MCPH1: variants seen among roughly 807,000 people sequenced by gnomAD.
MCPH1 encodes microcephalin 1, also known as microcephalin.
In MCPH1, 104 loss-of-function variants were observed where a neutral mutation model predicts 84.5. That is an observed-to-expected ratio of 1.23 (90% CI 1.05 to 1.45). The LOEUF is 1.45. Ranked by LOEUF, MCPH1 falls within the 40% of genes most tolerant of loss-of-function variation. The pLI, the probability that MCPH1 is intolerant of heterozygous loss-of-function variation, is 0.00. For synonymous variants in MCPH1, 514 were observed against 366.8 expected (o/e 1.40, Z -4.58); for missense variants, 1,498 against 1,005.7 (o/e 1.49, Z -6.62).
chr8:6,621,816 T>C, intron 13 of MCPH1, 125 bp downstream of exon 13: 1 of 1,272,640 alleles, frequency 7.9e-7, no homozygotes, highest in South Asian at 1.2e-5. Context: ...TGTCTCAGCC[T>C]CCAGCATCTG....
chr8:6,597,748 C>G (rs1355018575), intron 12 of MCPH1, among the ~76,000 whole-genome samples: 2 of 152,226 alleles, frequency 1.3e-5, no homozygotes, highest in Admixed American at 6.5e-5. Context: ...CTCATCCTCA[C>G]ACCTCACTGC....
intron 12 of MCPH1, among the ~76,000 whole-genome samples, chr8:6,505,498 T>TGTACATATAGA (rs1379998462): frequency 6.5e-3 from 18 of 2,788 alleles, no homozygotes; most frequent in African/African-American, 0.013. Flanking sequence ...ATATTCTTTA[T>TGTACATATAGA]ATATGTATAT....
intron 13 of MCPH1, among the ~76,000 whole-genome samples, chr8:6,628,046 T>G (rs1445715743): frequency 6.6e-6 from 1 of 152,128 alleles, no homozygotes; most frequent in Non-Finnish European, 1.5e-5. Flanking sequence ...TTCATTGCAT[T>G]TATTGGTCAA....
At chr8:6,552,652 A>T (rs920288005) in intron 12 of MCPH1, among the ~76,000 whole-genome samples, 5 of 152,146 alleles carry the variant, frequency 3.3e-5, no homozygotes, top group African/African-American at 1.2e-4. Context: ...ACAGTTTCCA[A>T]CACCCTGTGC....
chr8:6,463,034 G>T (rs1447382428), intron 9 of MCPH1, among the ~76,000 whole-genome samples: 2 of 152,122 alleles, frequency 1.3e-5, no homozygotes, highest in African/African-American at 4.8e-5. Flanking sequence ...TTTCTTGTTG[G>T]ACTTACTGAC....
intron 12 of MCPH1, among the ~76,000 whole-genome samples, chr8:6,543,353 G>A (rs1451236379): frequency 2.0e-5 from 3 of 152,140 alleles, no homozygotes; most frequent in East Asian, 1.9e-4. Context: ...GCTCTCCAAC[G>A]AACTGCTCCT....
intron 12 of MCPH1, among the ~76,000 whole-genome samples, chr8:6,511,623 C>A (rs1026783232): frequency 1.3e-5 from 2 of 152,150 alleles, no homozygotes; most frequent in African/African-American, 2.4e-5. Context: ...AAGTTTCAGT[C>A]CCTTCACAGT....
intron 9 of MCPH1, among the ~76,000 whole-genome samples, chr8:6,472,888 A>G (rs1049292123): frequency 1.3e-4 from 20 of 152,242 alleles, no homozygotes; most frequent in Admixed American, 2.6e-4. Context: ...CTTAGAAACA[A>G]TTTTTGACTA....
intron 2 of MCPH1, 51 bp downstream of exon 2, chr8:6,409,421 A>G (rs1798226436): frequency 7.1e-7 from 1 of 1,411,412 alleles, no homozygotes; most frequent in East Asian, 2.3e-5. Context: ...CTGATTGGTA[A>G]AAAGTTACAT....
At chr8:6,576,759 G>C (rs1256483288) in intron 12 of MCPH1, among the ~76,000 whole-genome samples, 1 of 126,556 alleles carries the variant, frequency 7.9e-6, no homozygotes, top group Non-Finnish European at 1.6e-5. Flanking sequence ...TATTGGTCAG[G>C]GTGGTCTCGA....
intron 12 of MCPH1, among the ~76,000 whole-genome samples, chr8:6,511,243 T>A (rs893638136): frequency 6.6e-6 from 1 of 152,188 alleles, no homozygotes; most frequent in East Asian, 1.9e-4. Flanking sequence ...ATTTGGTTAT[T>A]AAGAATGGCC....
chr8:6,600,226 T>G (rs1045354984), intron 12 of MCPH1, among the ~76,000 whole-genome samples: 10 of 152,232 alleles, frequency 6.6e-5, no homozygotes, highest in Non-Finnish European at 1.2e-4. Context: ...TGCGGTATTT[T>G]TAAGACTCAC....
At chr8:6,519,068 A>G (rs1206589829) in intron 12 of MCPH1, among the ~76,000 whole-genome samples, 1 of 152,172 alleles carries the variant, frequency 6.6e-6, no homozygotes, top group African/African-American at 2.4e-5. Context: ...TACATGCAGT[A>G]ATTGGACATA....
At chr8:6,601,711 C>T (rs1214728168) in intron 12 of MCPH1, among the ~76,000 whole-genome samples, 1 of 143,274 alleles carries the variant, frequency 7.0e-6, no homozygotes, top group African/African-American at 2.9e-5. Context: ...ACAACACACA[C>T]CACACACACA....
chr8:6,415,929 C>T (rs1164173242), intron 3 of MCPH1, among the ~76,000 whole-genome samples: 1 of 152,112 alleles, frequency 6.6e-6, no homozygotes, highest in Non-Finnish European at 1.5e-5. Flanking sequence ...TCTTTCAGTC[C>T]ATGAAAATGG....
intron 12 of MCPH1, among the ~76,000 whole-genome samples, chr8:6,536,970 A>G (rs1407319442): frequency 2.1e-5 from 3 of 141,334 alleles, no homozygotes; most frequent in African/African-American, 8.2e-5. Context: ...GTCTTAGTAC[A>G]AGAAAAAAAA....
chr8:6,414,114 C>G (rs1263204997), intron 2 of MCPH1, among the ~76,000 whole-genome samples: 1 of 151,938 alleles, frequency 6.6e-6, no homozygotes, highest in Non-Finnish European at 1.5e-5. Flanking sequence ...TATTTTCAAC[C>G]TTCTTACTTT....
At chr8:6,583,181 A>C (rs1827695387) in intron 12 of MCPH1, among the ~76,000 whole-genome samples, 1 of 150,856 alleles carries the variant, frequency 6.6e-6, no homozygotes, top group South Asian at 2.1e-4. Flanking sequence ...TTTCAGAGTG[A>C]TTTTTTTTTC....
intron 12 of MCPH1, among the ~76,000 whole-genome samples, chr8:6,509,942 T>C (rs1356602601): frequency 6.6e-6 from 1 of 152,176 alleles, no homozygotes; most frequent in Non-Finnish European, 1.5e-5. Flanking sequence ...GGGAGCATCG[T>C]GCCACATATC....
Sources: gnomAD v4.1 joint callset for allele counts (sites outside exome capture counted in the v4.1 genomes callset) on GRCh38, gnomAD v4.1.1 for gene constraint, MANE v1.5 for transcripts, NCBI Gene and HGNC (gene_info 2026-07-23, HGNC 2026-07-21) for gene names.